Variants in CADPS observed in about 807,000 individuals in gnomAD.
The protein encoded by CADPS is calcium dependent secretion activator.
A neutral mutation model predicts 167.3 loss-of-function variants in CADPS; 57 were observed. The ratio of observed to expected loss-of-function variants is 0.34; its 90% CI spans 0.28 to 0.42. The LOEUF is 0.42. Among genes scored for constraint, CADPS ranks in the 20% least tolerant of loss-of-function variants. The pLI, the probability that CADPS is intolerant of heterozygous loss-of-function variation, is 1.00. For missense variants in CADPS, 1,414 were observed against 1,738.1 expected (o/e 0.81, Z 3.32); for synonymous variants, 676 against 635.3 (o/e 1.06, Z -0.96).
intron 1 of CADPS, among the ~76,000 whole-genome samples, chr3:62,867,005 C>A (rs548214258): frequency 5.9e-5 from 9 of 151,920 alleles, no homozygotes; most frequent in African/African-American, 1.9e-4. Flanking sequence ...CCTACTTATG[C>A]GAGTCTTACT....
chr3:62,567,307 C>T lies in CADPS; in HGVS notation c.1644+3565G>A, dbSNP rs80178142. 4.2e-3 allele frequency among the ~76,000 whole-genome samples: 632 copies of T among 152,200 alleles called. 18 individuals are homozygous for T. The East Asian group carries it at 0.098, about 24-fold the overall frequency. ...ATGATCTCTCCTTTTTCAGCACCAC[C>T]CAAGGTATTGCCTGAGCTTTTCTCC... is the stretch of plus-strand genomic sequence containing the variant. On this transcript the variant is annotated intron_variant, in intron 9 of 29. Coordinates refer to ENST00000383710, the MANE Select transcript of CADPS (RefSeq NM_003716.4).
chr3:62,671,995 T>A (rs891117490), intron 3 of CADPS, among the ~76,000 whole-genome samples: 35 of 152,204 alleles, frequency 2.3e-4, no homozygotes, highest in South Asian at 6.2e-4. Flanking sequence ...TTGGCCCGGA[T>A]GGTCTCGATC....
intron 6 of CADPS, among the ~76,000 whole-genome samples, chr3:62,642,647 C>G (rs946404117): frequency 2.6e-5 from 4 of 152,186 alleles, no homozygotes; most frequent in African/African-American, 7.2e-5. Flanking sequence ...GTGGCCCATG[C>G]CTGAATCCTT....
chr3:62,764,680 G>A (rs899392697), intron 2 of CADPS, among the ~76,000 whole-genome samples: 13 of 152,262 alleles, frequency 8.5e-5, no homozygotes, highest in South Asian at 2.1e-4. Context: ...TGCCTCTACC[G>A]AGGCTTCAAT....
chr3:62,799,780 T>C (rs1251848756), intron 1 of CADPS, among the ~76,000 whole-genome samples: 1 of 152,128 alleles, frequency 6.6e-6, no homozygotes, highest in East Asian at 1.9e-4. Context: ...GCTCAATAAA[T>C]GTTAGCCACT....
intron 11 of CADPS, among the ~76,000 whole-genome samples, chr3:62,543,686 A>C (rs2076049508): frequency 6.6e-6 from 1 of 152,116 alleles, no homozygotes; most frequent in Admixed American, 6.6e-5. Context: ...TTTGAAGAAA[A>C]GACTATCATT....
intron 1 of CADPS, among the ~76,000 whole-genome samples, chr3:62,805,753 C>T (rs866092307): frequency 6.6e-6 from 1 of 152,150 alleles, no homozygotes; most frequent in Non-Finnish European, 1.5e-5. Flanking sequence ...AGCTTCCTTG[C>T]CTGATGCTTT....
intron 12 of CADPS, among the ~76,000 whole-genome samples, chr3:62,534,521 C>T (rs1440326407): frequency 2.6e-5 from 4 of 152,188 alleles, no homozygotes; most frequent in Admixed American, 6.5e-5. Context: ...CCATCTGCTA[C>T]CCCAAATGCT....
intron 6 of CADPS, among the ~76,000 whole-genome samples, chr3:62,636,373 C>T (rs1426215821): frequency 6.6e-6 from 1 of 152,182 alleles, no homozygotes; most frequent in African/African-American, 2.4e-5. Context: ...CAGACTGCAG[C>T]TGTTAAAGAC....
intron 2 of CADPS, among the ~76,000 whole-genome samples, chr3:62,762,403 T>A (rs961407631): frequency 6.6e-6 from 1 of 152,160 alleles, no homozygotes; most frequent in African/African-American, 2.4e-5. Flanking sequence ...ATGCTGGTAA[T>A]CCCAGCATTT....
chr3:62,677,495 C>T (rs1352009549), intron 3 of CADPS, among the ~76,000 whole-genome samples: 1 of 151,976 alleles, frequency 6.6e-6, no homozygotes, highest in African/African-American at 2.4e-5. Context: ...TTCGTTGTCA[C>T]AATGGAGGGT....
chr3:62,432,513 T>C (rs1375217460), intron 28 of CADPS, among the ~76,000 whole-genome samples: 3 of 152,150 alleles, frequency 2.0e-5, no homozygotes, highest in Non-Finnish European at 4.4e-5. Context: ...CTTAAAGTGA[T>C]GGGGAGACTC....
At chr3:62,515,525 AAGCCAACTTGGAGCCATCACAG>A (rs1162745348) in intron 16 of CADPS, among the ~76,000 whole-genome samples, 4 of 152,068 alleles carry the variant, frequency 2.6e-5, no homozygotes, top group African/African-American at 9.7e-5. Flanking sequence ...ATGAGATCTA[AAGCCAACTTGGAGCCATCACAG>A]ATGGCTCAGC....
chr3:62,517,442 C>G (rs2069281764), intron 14 of CADPS, among the ~76,000 whole-genome samples: 2 of 152,174 alleles, frequency 1.3e-5, no homozygotes. Context: ...TGATAACTAC[C>G]TTACAAAGTT....
At chr3:62,498,233 G>A (rs780904701) in intron 18 of CADPS, 56 of 455,690 alleles carry the variant, frequency 1.2e-4, no homozygotes, top group Non-Finnish European at 2.2e-4. Flanking sequence ...GCATTAGTCG[G>A]GACGGCTGGA....
At chr3:62,622,049 C>T (rs1377583186) in intron 6 of CADPS, among the ~76,000 whole-genome samples, 1 of 152,076 alleles carries the variant, frequency 6.6e-6, no homozygotes, top group Non-Finnish European at 1.5e-5. Context: ...TGGATAAATC[C>T]AGCCCTTGCT....
At chr3:62,782,639 G>C (rs1368880345) in intron 1 of CADPS, among the ~76,000 whole-genome samples, 8 of 152,186 alleles carry the variant, frequency 5.3e-5, no homozygotes, top group Non-Finnish European at 1.2e-4. Context: ...AGCATTGAAA[G>C]AGCAGAAATA....
intron 1 of CADPS, among the ~76,000 whole-genome samples, chr3:62,822,146 T>C (rs1381683743): frequency 6.6e-6 from 1 of 151,066 alleles, no homozygotes; most frequent in African/African-American, 2.5e-5. Context: ...ACAACTGAGA[T>C]AATTTCCCTT....
intron 28 of CADPS, among the ~76,000 whole-genome samples, chr3:62,435,505 T>C (rs1023464317): frequency 1.3e-5 from 2 of 152,222 alleles, no homozygotes; most frequent in African/African-American, 4.8e-5. Context: ...GTTTTTAAAA[T>C]GACAAATGTT....
Sources: gnomAD v4.1 joint callset for allele counts (sites outside exome capture counted in the v4.1 genomes callset) on GRCh38, gnomAD v4.1.1 for gene constraint, MANE v1.5 for transcripts, NCBI Gene and HGNC (gene_info 2026-07-23, HGNC 2026-07-21) for gene names.